The following THSD7A variants were observed in gnomAD, a reference collection of about 807,000 sequenced individuals.
THSD7A encodes the protein thrombospondin type-1 domain-containing protein 7A.
Under a neutral mutation model 231.3 loss-of-function variants are expected in THSD7A, and 96 were observed. The ratio of observed to expected loss-of-function variants is 0.41; its 90% CI spans 0.35 to 0.49. The LOEUF is 0.49. THSD7A is among the 20% of genes least tolerant of loss of function. The pLI, the probability that THSD7A is intolerant of heterozygous loss-of-function variation, is 0.05. For synonymous variants in THSD7A, 940 were observed against 743.3 expected (o/e 1.26, Z -4.30); for missense variants, 2,290 against 2,070.2 (o/e 1.11, Z -2.06).
chr7:11,512,752 G>A (rs1318298098), intron 6 of THSD7A, among the ~76,000 whole-genome samples: 3 of 123,006 alleles, frequency 2.4e-5, no homozygotes, highest in Non-Finnish European at 4.9e-5. Context: ...CACAGGGTGG[G>A]GAACATCACA....
chr7:11,754,134 C>T (rs745763711), intron 1 of THSD7A, among the ~76,000 whole-genome samples: 1 of 151,770 alleles, frequency 6.6e-6, no homozygotes, highest in Non-Finnish European at 1.5e-5. Context: ...TTCAGATTTA[C>T]TAGAAAAATA....
At chr7:11,754,123 T>C (rs1782599689) in intron 1 of THSD7A, among the ~76,000 whole-genome samples, 1 of 152,040 alleles carries the variant, frequency 6.6e-6, no homozygotes, top group African/African-American at 2.4e-5. Context: ...GAAGCCCCTA[T>C]TTCAGATTTA....
chr7:11,775,131 T>C (rs1201613098), intron 1 of THSD7A, among the ~76,000 whole-genome samples: 3 of 152,088 alleles, frequency 2.0e-5, no homozygotes, highest in Admixed American at 6.6e-5. Context: ...CTATAATTTG[T>C]AGTAAAAAGA....
chr7:11,472,986 C>T lies in THSD7A; in HGVS notation c.2252+1348G>A, dbSNP rs994234007. Among the ~76,000 whole-genome samples, 12 of 152,284 alleles carry T rather than the reference C, an allele frequency of 7.9e-5. No homozygotes were observed. The East Asian group carries it at 1.2e-3, about 15-fold the overall frequency. ...CTGTTACCACTTTTGAATTTTAATA[C>T]ACTGTACATTAATTTCCTGAGTTAG... On this transcript the variant is annotated intron_variant, in intron 8 of 27. Transcript: ENST00000423059.
chr7:11,382,335 A>G (rs1035304193), intron 24 of THSD7A, among the ~76,000 whole-genome samples, 186 bp downstream of exon 24: 2 of 152,312 alleles, frequency 1.3e-5, no homozygotes, highest in African/African-American at 4.8e-5. Flanking sequence ...GATAATTTGA[A>G]CCACCTATAA....
chr7:11,467,787 C>T (rs967712218), intron 9 of THSD7A, among the ~76,000 whole-genome samples: 4 of 151,648 alleles, frequency 2.6e-5, no homozygotes, highest in Non-Finnish European at 4.4e-5. Flanking sequence ...GTATATAATA[C>T]GTAACAAAAT....
intron 1 of THSD7A, among the ~76,000 whole-genome samples, chr7:11,806,849 T>TA (rs1784412087): frequency 6.6e-6 from 1 of 152,122 alleles, no homozygotes; most frequent in Non-Finnish European, 1.5e-5. Flanking sequence ...AGTGTGCCTT[T>TA]TAGGCCTTCT....
chr7:11,557,026 T>C (rs938029095), intron 4 of THSD7A, among the ~76,000 whole-genome samples: 2 of 152,026 alleles, frequency 1.3e-5, no homozygotes, highest in African/African-American at 4.8e-5. Flanking sequence ...TGTTCAGCCA[T>C]TATTTCTCTG....
intron 23 of THSD7A, among the ~76,000 whole-genome samples, chr7:11,394,505 C>A (rs1176298270): frequency 6.6e-6 from 1 of 152,178 alleles, no homozygotes; most frequent in African/African-American, 2.4e-5. Context: ...CCAAAGGCAG[C>A]TGTTCTCTGA....
At chr7:11,376,474 C>T (rs1782278888) in intron 27 of THSD7A, 96 bp downstream of exon 27, 3 of 911,204 alleles carry the variant, frequency 3.3e-6, no homozygotes, top group Non-Finnish European at 4.9e-6. Context: ...CATGTGAACA[C>T]CAGATAAATG....
intron 2 of THSD7A, among the ~76,000 whole-genome samples, chr7:11,625,683 G>A (rs1246900866): frequency 1.4e-5 from 2 of 142,386 alleles, no homozygotes; most frequent in African/African-American, 5.3e-5. Context: ...CTAAAAGAGT[G>A]AGCATATTCT....
intron 24 of THSD7A, among the ~76,000 whole-genome samples, chr7:11,380,569 G>T (rs1299481661): frequency 6.6e-6 from 1 of 152,082 alleles, no homozygotes; most frequent in East Asian, 1.9e-4. Flanking sequence ...TAGAAAAATT[G>T]TCACAGAAAA....
intron 23 of THSD7A, among the ~76,000 whole-genome samples, chr7:11,393,424 T>G (rs1783062158): frequency 6.6e-6 from 1 of 152,182 alleles, no homozygotes; most frequent in African/African-American, 2.4e-5. Context: ...ACAAAAAGTC[T>G]GAAAATCCAA....
intron 4 of THSD7A, among the ~76,000 whole-genome samples, chr7:11,561,329 C>T (rs1562720025): frequency 6.6e-6 from 1 of 152,108 alleles, no homozygotes. Flanking sequence ...TCAAGATAAT[C>T]ACATATCAAA....
intron 1 of THSD7A, among the ~76,000 whole-genome samples, chr7:11,655,173 G>GT: frequency 6.6e-6 from 1 of 151,866 alleles, no homozygotes; most frequent in Non-Finnish European, 1.5e-5. Context: ...TTCTTAAACT[G>GT]TTTTTGTAAA....
At chr7:11,574,506 C>T (rs571002835) in intron 4 of THSD7A, among the ~76,000 whole-genome samples, 38 of 150,900 alleles carry the variant, frequency 2.5e-4, no homozygotes, top group Non-Finnish European at 3.8e-4. Flanking sequence ...ACGATCTCGG[C>T]TCACTGCAAG....
chr7:11,493,418 T>TA (rs1213239724), intron 6 of THSD7A, among the ~76,000 whole-genome samples: 1 of 152,072 alleles, frequency 6.6e-6, no homozygotes, highest in African/African-American at 2.4e-5. Flanking sequence ...GGGAAGTTTC[T>TA]AAAAATCCTA....
chr7:11,406,530 C>T lies in THSD7A; in HGVS notation c.4063-56G>A. 6.7e-7 allele frequency: 1 copy of T among 1,482,318 alleles called. No homozygotes were observed. 91.8% of individuals were successfully genotyped at this position (1,482,318 alleles called of 1,614,324 possible). A position where few individuals can be genotyped will look rare whatever the true frequency, so the allele number is the denominator to read the frequency against. The stretch of plus-strand genomic sequence containing the variant: ...AAAAGAGAAATACTTCATTAGAGAG[C>T]TCATCACTTAGTTATCTCTGCACCA... On this transcript the variant is annotated intron_variant, in intron 21 of 27. Coordinates refer to ENST00000423059, the MANE Select transcript of THSD7A (RefSeq NM_015204.3). This position sits in a 1 kb window ranked among gnomAD's most constrained non-coding sequence, Gnocchi z 4.7.
intron 11 of THSD7A, 64 bp downstream of exon 11, chr7:11,460,598 T>C (rs918429830): frequency 6.5e-5 from 86 of 1,323,572 alleles, no homozygotes; most frequent in South Asian, 4.6e-4. Flanking sequence ...AAGTGGCAAA[T>C]GCATCAAAAC....
Sources: gnomAD v4.1 joint callset for allele counts (sites outside exome capture counted in the v4.1 genomes callset) on GRCh38, gnomAD v4.1.1 for gene constraint, Gnocchi (gnomAD v3.1) non-coding constraint, MANE v1.5 for transcripts, NCBI Gene and HGNC (gene_info 2026-07-23, HGNC 2026-07-21) for gene names.